Variants in SCHIP1 observed in about 807,000 individuals in gnomAD.
SCHIP1 encodes the protein schwannomin-interacting protein 1.
Under a neutral mutation model 29.7 loss-of-function variants are expected in SCHIP1, and 8 were observed. The observed-to-expected ratio is 0.27, with a 90% CI of 0.16 to 0.49. The LOEUF is 0.49. Among genes scored for constraint, SCHIP1 ranks in the 20% least tolerant of loss-of-function variants. The pLI is 0.99. For synonymous variants in SCHIP1, 76 were observed against 94.9 expected (o/e 0.80, Z 1.16); for missense variants, 193 against 294.6 (o/e 0.66, Z 2.52).
At chr3:159,846,655 T>A (rs1399505500) in intron 1 of SCHIP1, among the ~76,000 whole-genome samples, 3 of 152,208 alleles carry the variant, frequency 2.0e-5, no homozygotes, top group Non-Finnish European at 2.9e-5. Flanking sequence ...TGGAGGCTTT[T>A]AAATATAAGT....
chr3:159,514,260 A>T, the SCHIP1 span, among the ~76,000 whole-genome samples: 3 of 152,214 alleles, frequency 2.0e-5, no homozygotes, highest in Non-Finnish European at 4.4e-5. Context: ...TGCAAAAAAA[A>T]TCAACTGATG....
the SCHIP1 span, among the ~76,000 whole-genome samples, chr3:159,414,431 T>A: frequency 6.6e-6 from 1 of 151,286 alleles, no homozygotes; most frequent in African/African-American, 2.4e-5. Context: ...TAGATGTTAT[T>A]TGAGTCCGAA....
the SCHIP1 span, among the ~76,000 whole-genome samples, chr3:159,617,342 T>G: frequency 6.6e-6 from 1 of 152,198 alleles, no homozygotes; most frequent in South Asian, 2.1e-4. Flanking sequence ...TCCGATCCCC[T>G]TTCTTTCTGC....
the SCHIP1 span, among the ~76,000 whole-genome samples, chr3:159,367,373 G>A: frequency 1.3e-5 from 2 of 151,040 alleles, no homozygotes; most frequent in Admixed American, 6.6e-5. Context: ...TCTCAGCCTG[G>A]GCAACAAGAC....
chr3:159,876,282 G>A (rs534564864), intron 2 of SCHIP1, among the ~76,000 whole-genome samples: 44 of 152,252 alleles, frequency 2.9e-4, no homozygotes, highest in South Asian at 2.3e-3. Context: ...AACATGTTTC[G>A]GGTCTGTTCA....
the SCHIP1 span, among the ~76,000 whole-genome samples, chr3:159,289,414 T>C: frequency 8.0e-5 from 12 of 149,868 alleles, no homozygotes; most frequent in South Asian, 2.3e-3. Context: ...CTCTTATTTA[T>C]TTATTTATTT....
At chr3:159,406,545 G>C in the SCHIP1 span, among the ~76,000 whole-genome samples, 1 of 152,196 alleles carries the variant, frequency 6.6e-6, no homozygotes, top group Admixed American at 6.5e-5. Flanking sequence ...GCATCTGAAA[G>C]TATAAAATGC....
upstream of SCHIP1, among the ~76,000 whole-genome samples, chr3:159,836,577 T>A (rs1743677873): frequency 6.6e-6 from 1 of 152,372 alleles, no homozygotes; most frequent in African/African-American, 2.4e-5. Flanking sequence ...CTTTGATGGC[T>A]TTTTGTTGTT....
At chr3:159,575,504 T>C in the SCHIP1 span, among the ~76,000 whole-genome samples, 1 of 152,272 alleles carries the variant, frequency 6.6e-6, no homozygotes, top group African/African-American at 2.4e-5. Context: ...GGCACAATCA[T>C]GGCTCACTGC....
At chr3:159,700,048 A>G in the SCHIP1 span, among the ~76,000 whole-genome samples, 1 of 152,226 alleles carries the variant, frequency 6.6e-6, no homozygotes, top group African/African-American at 2.4e-5. Context: ...CTCAGAGATA[A>G]CCATACCCAC....
chr3:159,821,147 G>A, the SCHIP1 span, among the ~76,000 whole-genome samples: 16 of 152,218 alleles, frequency 1.1e-4, no homozygotes, highest in Non-Finnish European at 2.1e-4. Context: ...TTAGAAGCCA[G>A]CTATGTTGAA....
the SCHIP1 span, among the ~76,000 whole-genome samples, chr3:159,680,697 A>ATACATATATTATATATGT: frequency 1.5e-4 from 1 of 6,594 alleles, no homozygotes; most frequent in African/African-American, 3.0e-4. Context: ...GTATATATAT[A>ATACATATATTATATATGT]ATATATATTA....
the SCHIP1 span, among the ~76,000 whole-genome samples, chr3:159,311,354 T>C: frequency 2.0e-5 from 3 of 152,220 alleles, no homozygotes; most frequent in African/African-American, 7.2e-5. Context: ...TTCTCTTTAA[T>C]GGAAAAAAAT....
chr3:159,402,960 A>T, the SCHIP1 span, among the ~76,000 whole-genome samples: 28,395 of 151,866 alleles, frequency 0.19, 2,794 homozygotes, highest in Middle Eastern at 0.28. Flanking sequence ...AAAAAAAGAA[A>T]TATCTCCCCC....
the SCHIP1 span, among the ~76,000 whole-genome samples, chr3:159,407,793 A>G: frequency 6.6e-6 from 1 of 152,348 alleles, no homozygotes; most frequent in East Asian, 1.9e-4. Context: ...CCAGTTGGTC[A>G]ATGAAGAAAT....
the SCHIP1 span, among the ~76,000 whole-genome samples, chr3:159,431,998 A>G: frequency 2.5e-4 from 38 of 151,934 alleles, no homozygotes; most frequent in Middle Eastern, 3.4e-3. Flanking sequence ...TAAAAGCAGT[A>G]GTATAAAACT....
intron 1 of SCHIP1, among the ~76,000 whole-genome samples, chr3:159,858,608 T>C (rs1577445071): frequency 6.6e-6 from 1 of 152,198 alleles, no homozygotes; most frequent in East Asian, 1.9e-4. Context: ...TATAAATATA[T>C]TTATTTATAA....
chr3:159,735,348 G>T, the SCHIP1 span, among the ~76,000 whole-genome samples: 3 of 151,650 alleles, frequency 2.0e-5, no homozygotes, highest in African/African-American at 4.9e-5. Flanking sequence ...TCCTGCCTCA[G>T]CCTCCCAAAT....
the SCHIP1 span, among the ~76,000 whole-genome samples, chr3:159,517,346 C>A: frequency 6.6e-6 from 1 of 152,108 alleles, no homozygotes; most frequent in East Asian, 1.9e-4. Flanking sequence ...GTTTCCAAAT[C>A]TCTGGCCTTT....
Sources: gnomAD v4.1 joint callset for allele counts (sites outside exome capture counted in the v4.1 genomes callset) on GRCh38, gnomAD v4.1.1 for gene constraint, MANE v1.5 for transcripts, NCBI Gene and HGNC (gene_info 2026-07-23, HGNC 2026-07-21) for gene names.